Variants in MSR1 observed in about 807,000 individuals in gnomAD.
The protein encoded by MSR1 is macrophage scavenger receptor 1, also known as macrophage scavenger receptor types I and II.
In MSR1, 53 loss-of-function variants were observed where a neutral mutation model predicts 47.2. The ratio of observed to expected loss-of-function variants is 1.12; its 90% confidence interval spans 0.90 to 1.41. The LOEUF (loss-of-function observed/expected upper bound fraction) is 1.41, where lower values mean the gene tolerates loss of function less well. Among genes scored for constraint, MSR1 ranks in the 40% most tolerant of loss-of-function variants. MSR1 has a pLI of 0.00. For missense variants in MSR1, 786 were observed against 546.9 expected (o/e 1.44, Z -4.36); for synonymous variants, 239 against 185.6 (o/e 1.29, Z -2.34).
At chr8:16,114,223 A>G (rs1053945404) in intron 9 of MSR1, among the ~76,000 whole-genome samples, 1 of 97,690 alleles carries the variant, frequency 1.0e-5, no homozygotes, top group East Asian at 3.0e-4. Flanking sequence ...CCTTCTGTTT[A>G]CCCTTACATT....
chr8:16,178,468 T>A (rs890407768), intron 1 of MSR1, among the ~76,000 whole-genome samples: 1 of 152,214 alleles, frequency 6.6e-6, no homozygotes, highest in Admixed American at 6.5e-5. Context: ...TACTCCACGG[T>A]GTACATGTGC....
chr8:16,177,655 C>G (rs1044738826), intron 2 of MSR1, among the ~76,000 whole-genome samples: 1 of 152,098 alleles, frequency 6.6e-6, no homozygotes, highest in Non-Finnish European at 1.5e-5. Context: ...AATATTGTAG[C>G]TGGGAAGCCA....
At chr8:16,127,956 A>G (rs1331133879) in intron 8 of MSR1, among the ~76,000 whole-genome samples, 1 of 152,170 alleles carries the variant, frequency 6.6e-6, no homozygotes, top group African/African-American at 2.4e-5. Context: ...TTGTCTGTTT[A>G]AACAGCATTA....
Position 16,139,669 on chromosome 8 carries a change from C to A in MSR1, c.1033+3889G>T, listed in dbSNP as rs1355082924. 4.1e-6 allele frequency: 4 copies of A among 967,278 alleles called. No individual in the cohort carries two copies. In the African/African-American group the frequency reaches 7.4e-5, roughly 18 times the overall value. 59.9% of individuals were successfully genotyped at this position (967,278 alleles called of 1,614,324 possible). Reference sequence around the variant, plus strand: ...TCAAAATATTTTTGTTTGAAATGACCAGGTAATACATGAAAAGTTTTATTT... The same window carrying A: ...TCAAAATATTTTTGTTTGAAATGACAAGGTAATACATGAAAAGTTTTATTT... On this transcript the variant is annotated intron_variant, in intron 8 of 9. Coordinates refer to ENST00000262101, the MANE Select transcript of MSR1 (RefSeq NM_138715.3).
chr8:16,143,812 C>CA (rs751057587), intron 7 of MSR1, among the ~76,000 whole-genome samples: 5 of 151,934 alleles, frequency 3.3e-5, no homozygotes, highest in East Asian at 1.9e-4. Flanking sequence ...TGTGATATTT[C>CA]AAATTATTTA....
At chr8:16,116,267 G>A (rs1003489249) in intron 9 of MSR1, among the ~76,000 whole-genome samples, 9 of 152,000 alleles carry the variant, frequency 5.9e-5, no homozygotes, top group African/African-American at 2.2e-4. Flanking sequence ...TCATTTTATT[G>A]GAAAGGAAAT....
intron 8 of MSR1, among the ~76,000 whole-genome samples, chr8:16,134,495 G>C (rs1302160629): frequency 6.6e-6 from 1 of 152,050 alleles, no homozygotes; most frequent in Admixed American, 6.6e-5. Flanking sequence ...TATATGTTGT[G>C]TGTATTCTGA....
chr8:16,171,178 T>G (rs907119264), intron 3 of MSR1, among the ~76,000 whole-genome samples: 12 of 147,470 alleles, frequency 8.1e-5, no homozygotes, highest in African/African-American at 2.5e-4. Flanking sequence ...GTGCCGAGAT[T>G]GTGCCACTGC....
chr8:16,170,286 T>G (rs1801444201), intron 3 of MSR1, among the ~76,000 whole-genome samples: 1 of 151,662 alleles, frequency 6.6e-6, no homozygotes, highest in Admixed American at 6.6e-5. Flanking sequence ...AGGCAGAGGT[T>G]GCAGTGAGCC....
In MSR1 at chr8:16,168,831, C is replaced by G; in HGVS notation, c.257G>C (p.Ser86Thr). The G allele has an allele frequency of 6.2e-7, 1 of 1,613,774 alleles. No individual in the cohort carries two copies. Among genetic ancestry groups the G allele is most frequent in the Non-Finnish European group, 8.5e-7 (1 of 1,179,974 alleles). Residue 86 changes from serine (S) to threonine (T), a missense_variant, in exon 4 of 10, where the codon AGT (serine) becomes ACT (threonine). Coordinates refer to ENST00000262101, the MANE Select transcript of MSR1 (RefSeq NM_138715.3). ...LKWETKNCSV[S>T]STNANDITQS... ...AGTTATATCATTTGCATTAGTTGAA[C>G]TAACTGAGCAATTCTTCGTTTCCCA...
chr8:16,114,490 T>C (rs1799831904), intron 9 of MSR1, among the ~76,000 whole-genome samples: 1 of 152,052 alleles, frequency 6.6e-6, no homozygotes, highest in Non-Finnish European at 1.5e-5. Flanking sequence ...GGTACCACTG[T>C]TGTATGATAA....
intron 3 of MSR1, among the ~76,000 whole-genome samples, chr8:16,170,045 C>T (rs1171786444): frequency 2.6e-5 from 4 of 151,962 alleles, no homozygotes. Context: ...AAGGCTTAAA[C>T]ATTAACTTTT....
At chr8:16,187,516 T>C (rs1475506700) in intron 1 of MSR1, among the ~76,000 whole-genome samples, 2 of 152,012 alleles carry the variant, frequency 1.3e-5, no homozygotes, top group African/African-American at 4.8e-5. Flanking sequence ...AAAACATATA[T>C]TCCTTATTTG....
At chr8:16,173,585 T>C (rs1237600647) in intron 3 of MSR1, among the ~76,000 whole-genome samples, 2 of 152,236 alleles carry the variant, frequency 1.3e-5, no homozygotes, top group Non-Finnish European at 2.9e-5. Flanking sequence ...TTAGTGTATT[T>C]TTAATGGCCA....
chr8:16,174,450 A>G (rs1440578930), intron 3 of MSR1, among the ~76,000 whole-genome samples: 1 of 152,182 alleles, frequency 6.6e-6, no homozygotes, highest in African/African-American at 2.4e-5. Flanking sequence ...TATTTACATA[A>G]GTGCTTACGG....
At chr8:16,145,565 G>C (rs988825427) in intron 7 of MSR1, among the ~76,000 whole-genome samples, 7 of 152,074 alleles carry the variant, frequency 4.6e-5, no homozygotes, top group African/African-American at 1.4e-4. Context: ...TTAAGCCAGA[G>C]ACATGCTTGA....
intron 8 of MSR1, among the ~76,000 whole-genome samples, chr8:16,136,517 T>C (rs1178681868): frequency 6.6e-6 from 1 of 152,104 alleles, no homozygotes; most frequent in Non-Finnish European, 1.5e-5. Context: ...TTTTTTTGCC[T>C]TGGTCTGGAA....
chr8:16,173,655 C>A (rs962733344), intron 3 of MSR1, among the ~76,000 whole-genome samples: 1 of 148,566 alleles, frequency 6.7e-6, no homozygotes, highest in South Asian at 2.1e-4. Flanking sequence ...TTTGTTTTTT[C>A]TTTTTTTTTT....
chr8:16,184,257 G>A (rs1291015372), intron 1 of MSR1, among the ~76,000 whole-genome samples: 2 of 151,842 alleles, frequency 1.3e-5, no homozygotes, highest in African/African-American at 4.8e-5. Flanking sequence ...CTAGATTCAG[G>A]TAACTTCCTG....
Sources: allele counts gnomAD v4.1 joint callset (sites outside exome capture counted in the v4.1 genomes callset), GRCh38; gene constraint gnomAD v4.1.1; transcripts MANE v1.5; gene names NCBI Gene and HGNC (gene_info 2026-07-23, HGNC 2026-07-21).